PLXNA4: variants seen among roughly 807,000 people sequenced by gnomAD.
PLXNA4 encodes plexin-A4.
In PLXNA4, 44 loss-of-function variants were observed where a neutral mutation model predicts 191.8. The ratio of observed to expected loss-of-function variants is 0.23; its 90% CI spans 0.18 to 0.29. The LOEUF is 0.29. PLXNA4 is among the 10% of genes least tolerant of loss of function. PLXNA4 has a pLI of 1.00. For synonymous variants in PLXNA4, 1,082 were observed against 1,009.5 expected, an observed-to-expected ratio of 1.07 and a Z score of -1.36; for missense variants, 1,800 against 2,488.8, an observed-to-expected ratio of 0.72 and a Z score of 5.89.
intron 2 of PLXNA4, among the ~76,000 whole-genome samples, chr7:132,503,976 C>A (rs1798356784): frequency 6.6e-6 from 1 of 152,240 alleles, no homozygotes; most frequent in South Asian, 2.1e-4. Flanking sequence ...CCACCCTCCA[C>A]TGACACCAGA....
chr7:132,515,744 T>C (rs1172910667), intron 1 of PLXNA4, among the ~76,000 whole-genome samples: 1 of 152,250 alleles, frequency 6.6e-6, no homozygotes, highest in Non-Finnish European at 1.5e-5. Flanking sequence ...CACCAATTCA[T>C]GCTTCCGGGC....
chr7:132,257,012 C>T (rs10270115), intron 4 of PLXNA4, among the ~76,000 whole-genome samples: 110,797 of 151,690 alleles, frequency 0.73, 41,776 homozygotes, highest in African/African-American at 0.93. Context: ...GGAGGACAGC[C>T]TCCAGTTTAC....
At chr7:132,454,142 C>G (rs1436670893) in intron 3 of PLXNA4, among the ~76,000 whole-genome samples, 2 of 152,192 alleles carry the variant, frequency 1.3e-5, no homozygotes, top group Non-Finnish European at 2.9e-5. Flanking sequence ...GTAAAGGAAG[C>G]AAGTAAGCTT....
At chr7:132,469,463 A>G (rs757926492) in intron 3 of PLXNA4, among the ~76,000 whole-genome samples, 8 of 152,340 alleles carry the variant, frequency 5.3e-5, no homozygotes, top group Middle Eastern at 3.4e-3. Flanking sequence ...CTTTTTCAGC[A>G]GACCCAGCCT....
chr7:132,322,009 G>A (rs1802187446), intron 3 of PLXNA4, among the ~76,000 whole-genome samples: 1 of 152,048 alleles, frequency 6.6e-6, no homozygotes, highest in Non-Finnish European at 1.5e-5. Flanking sequence ...TAGTAGAATA[G>A]CAGTGAGAAA....
chr7:132,566,330 C>T (rs1801723116), intron 1 of PLXNA4, among the ~76,000 whole-genome samples: 1 of 151,684 alleles, frequency 6.6e-6, no homozygotes, highest in African/African-American at 2.4e-5. Flanking sequence ...ACAATCATTA[C>T]CTATGTGAGA....
intron 3 of PLXNA4, among the ~76,000 whole-genome samples, chr7:132,428,745 C>G (rs2117183294): frequency 6.6e-6 from 1 of 152,260 alleles, no homozygotes; most frequent in East Asian, 1.9e-4. Flanking sequence ...CGCCTACCTC[C>G]CACTCCATTC....
rs550520060 is a variant in PLXNA4, at chr7:132,271,111, A to G, written c.1503+26980T>C. ...GACCATTCAGCTCTTTTCCCCCCAC[A>G]GCAACAATAATATTGACCACGTTTG... On this transcript the variant is annotated intron_variant, in intron 4 of 31. Coordinates refer to ENST00000321063, the MANE Select transcript of PLXNA4 (RefSeq NM_020911.2). The G allele has an allele frequency of 2.0e-5, 3 of 152,314 alleles. No individual in the cohort carries two copies. The East Asian group carries it at 5.8e-4, about 29-fold the overall frequency. 9.4% of individuals were successfully genotyped at this position (152,314 alleles called of 1,614,324 possible).
chr7:132,333,298 A>G (rs10234151), intron 3 of PLXNA4, among the ~76,000 whole-genome samples: 77,110 of 152,046 alleles, frequency 0.51, 21,883 homozygotes, highest in African/African-American at 0.77. Context: ...AATTTGGCAC[A>G]GGTATGCAGA....
At chr7:132,130,972 C>T (rs776772732) in intron 31 of PLXNA4, among the ~76,000 whole-genome samples, 1 of 152,118 alleles carries the variant, frequency 6.6e-6, no homozygotes, top group East Asian at 1.9e-4. Flanking sequence ...AGCATGGAGC[C>T]GGAATGTGAT....
intron 1 of PLXNA4, among the ~76,000 whole-genome samples, chr7:132,548,570 C>T (rs773619300): frequency 1.3e-5 from 2 of 152,178 alleles, no homozygotes; most frequent in Non-Finnish European, 2.9e-5. Flanking sequence ...CACCCAAGAC[C>T]AAGACCAAGG....
intron 2 of PLXNA4, among the ~76,000 whole-genome samples, chr7:132,634,288 A>T (rs141232009): frequency 6.6e-6 from 1 of 152,174 alleles, no homozygotes; most frequent in Non-Finnish European, 1.5e-5. Flanking sequence ...AAACAGTAGC[A>T]GTTCTCCTGT....
chr7:132,453,262 G>T (rs530406785), intron 3 of PLXNA4, among the ~76,000 whole-genome samples: 39 of 152,194 alleles, frequency 2.6e-4, no homozygotes, highest in Non-Finnish European at 4.1e-4. Context: ...GAGCAGCAAA[G>T]ATGGGCAAGG....
At chr7:132,474,990 A>T (rs1367522413) in intron 3 of PLXNA4, among the ~76,000 whole-genome samples, 2 of 152,192 alleles carry the variant, frequency 1.3e-5, no homozygotes, top group Non-Finnish European at 2.9e-5. Context: ...TCATTACTCC[A>T]AAGGTGACAT....
intron 3 of PLXNA4, among the ~76,000 whole-genome samples, chr7:132,453,578 T>C (rs759068758): frequency 1.3e-5 from 2 of 151,558 alleles, no homozygotes; most frequent in East Asian, 1.9e-4. Flanking sequence ...ACAGTCTCAG[T>C]GTCACCAGGC....
At chr7:132,619,774 G>A (rs1256031034) in intron 2 of PLXNA4, among the ~76,000 whole-genome samples, 1 of 152,218 alleles carries the variant, frequency 6.6e-6, no homozygotes, top group Non-Finnish European at 1.5e-5. Flanking sequence ...GAACTACTAG[G>A]TAACAGCAGG....
At chr7:132,365,330 T>TGC (rs1804112104) in intron 3 of PLXNA4, among the ~76,000 whole-genome samples, 5 of 105,588 alleles carry the variant, frequency 4.7e-5, no homozygotes, top group Non-Finnish European at 9.4e-5. Flanking sequence ...ACGGCCCGCG[T>TGC]GTGTGTGTGT....
At chr7:132,201,599 A>G (rs888260456) in intron 12 of PLXNA4, among the ~76,000 whole-genome samples, 3 of 152,138 alleles carry the variant, frequency 2.0e-5, no homozygotes, top group Admixed American at 6.5e-5. Flanking sequence ...GCAGTGGTAA[A>G]GAGGTATTGA....
intron 13 of PLXNA4, 113 bp downstream of exon 13, chr7:132,198,372 C>T: frequency 1.4e-6 from 2 of 1,440,200 alleles, no homozygotes; most frequent in Non-Finnish European, 1.8e-6. Flanking sequence ...GGGTGGTTCT[C>T]CTTTTTCCCC....
Sources: gnomAD v4.1 joint callset for allele counts (sites outside exome capture counted in the v4.1 genomes callset) on GRCh38, gnomAD v4.1.1 for gene constraint, MANE v1.5 for transcripts, NCBI Gene and HGNC (gene_info 2026-07-23, HGNC 2026-07-21) for gene names.